PACRGL: variants seen among roughly 807,000 people sequenced by gnomAD.
PACRGL encodes PACRG-like protein.
PACRGL carries 38 observed loss-of-function variants against 34.5 expected under a neutral mutation model. The observed-to-expected ratio is 1.10, with a 90% CI of 0.85 to 1.44. The LOEUF is 1.44. Among genes scored for constraint, PACRGL ranks in the 40% most tolerant of loss-of-function variants. The pLI is 0.00. For synonymous variants in PACRGL, 128 were observed against 100.1 expected (o/e 1.28, Z -1.66); for missense variants, 305 against 281.4 (o/e 1.08, Z -0.60).
chr4:20,709,050 A>C (rs545618890), intron 4 of PACRGL, among the ~76,000 whole-genome samples: 1 of 151,968 alleles, frequency 6.6e-6, no homozygotes, highest in South Asian at 2.1e-4. Flanking sequence ...TAGGCAGGAG[A>C]ATTGCTTGAA....
chr4:20,752,482 A>G (rs1208505043), intron 8 of PACRGL: 3 of 152,228 alleles, frequency 2.0e-5, no homozygotes, highest in African/African-American at 7.2e-5. Flanking sequence ...AGCCACTTTT[A>G]TTTCAACTAC....
In PACRGL at chr4:20,709,800, A is replaced by G. The variant is rs193108636; in HGVS notation, c.366+27A>G. ...TAAATATGCCATCTCTTGAATATTT[A>G]TCAGAAAATAAACATTAAAAATTGC... On this transcript the variant is annotated intron_variant, in intron 5 of 8. Transcript: ENST00000503585. 2.7e-5 allele frequency: 41 copies of G among 1,519,920 alleles called. No individual in the cohort carries two copies. In the Admixed American group the frequency reaches 4.6e-4, roughly 17 times the overall value. 94.2% of individuals were successfully genotyped at this position (1,519,920 alleles called of 1,614,324 possible). A position where few individuals can be genotyped will look rare whatever the true frequency, so the allele number is the denominator to read the frequency against.
rs76209986 is a variant in PACRGL at position 20,752,575 on chromosome 4, G to A, written c.*67G>A. ...TTGCTGTTTTTGTAGGATTTCTGTT[G>A]TGTGTCTAGGTGACGAGTTCTAATT... On this transcript the variant is annotated 3_prime_UTR_variant, in exon 9 of 9. Coordinates refer to the PACRGL transcript ENST00000507634. The A allele has an allele frequency of 3.5e-4, 54 of 152,184 alleles. No homozygotes were observed. The East Asian group carries it at 9.7e-3, about 27-fold the overall frequency. The allele number at this position is 152,184 out of a possible 1,614,324, so 9.4% of individuals were successfully genotyped here. A position where few individuals can be genotyped will look rare whatever the true frequency, so the allele number is the denominator to read the frequency against.
chr4:20,734,814 G>A (rs1749196465), downstream of PACRGL: 1 of 718,168 alleles, frequency 1.4e-6, no homozygotes, highest in Non-Finnish European at 2.2e-6. Flanking sequence ...TGTAAGTAAG[G>A]GCTACAACCC....
intron 8 of PACRGL, among the ~76,000 whole-genome samples, chr4:20,743,371 A>G (rs1440360414): frequency 1.3e-5 from 2 of 152,180 alleles, no homozygotes; most frequent in African/African-American, 4.8e-5. Context: ...TTCAAACTAT[A>G]CTACAAGGCT....
chr4:20,761,008 C>T, the PACRGL span, among the ~76,000 whole-genome samples: 3 of 152,144 alleles, frequency 2.0e-5, no homozygotes, highest in Non-Finnish European at 4.4e-5. Context: ...CTATTACTTT[C>T]AATACATTTA....
At chr4:20,764,681 G>GACACAC in the PACRGL span, among the ~76,000 whole-genome samples, 28,492 of 147,040 alleles carry the variant, frequency 0.19, 2,826 homozygotes, top group African/African-American at 0.27. Flanking sequence ...ATGGGAATTG[G>GACACAC]ACACACACAC....
intron 7 of PACRGL, chr4:20,719,061 G>T (rs1450118808): frequency 6.6e-6 from 1 of 152,174 alleles, no homozygotes; most frequent in East Asian, 1.9e-4. Context: ...AGTCTTGGGA[G>T]GGTGTATGTG....
At chr4:20,724,701 A>T (rs1744876778) in intron 7 of PACRGL, 107 bp from the exon 8 acceptor site, 3 of 487,490 alleles carry the variant, frequency 6.2e-6, no homozygotes, top group Non-Finnish European at 1.0e-5. Flanking sequence ...TCCTAAAAAA[A>T]GCCTTGAAAT....
intron 8 of PACRGL, among the ~76,000 whole-genome samples, chr4:20,740,240 C>T (rs189208635): frequency 1.1e-4 from 17 of 152,198 alleles, no homozygotes; most frequent in Admixed American, 7.2e-4. Context: ...GAGAATGCCA[C>T]CAAGATACTC....
chr4:20,743,786 A>G (rs898028113), intron 8 of PACRGL, among the ~76,000 whole-genome samples: 1 of 152,176 alleles, frequency 6.6e-6, no homozygotes, highest in Admixed American at 6.5e-5. Context: ...TAATTAAACT[A>G]AGGAACTTCT....
chr4:20,716,015 T>C (rs1739784745), intron 7 of PACRGL: 12 of 1,261,082 alleles, frequency 9.5e-6, no homozygotes, highest in Middle Eastern at 2.4e-4. Flanking sequence ...TTGTTTTTCA[T>C]TGCGATGTTT....
In PACRGL at chr4:20,730,203, A is replaced by ATTGCCTCCTCCCATCAACC; in HGVS notation, c.*2863_*2881dup. On this transcript the variant is annotated 3_prime_UTR_variant, in exon 9 of 9. Coordinates refer to ENST00000503585, the MANE Select transcript of PACRGL (RefSeq NM_001258345.3). Reference sequence around the variant, plus strand: ...AAAGTACACTATTTTGCCCCTGAGTATTGCCTCCTCCCATCAACCACCTCA... The same window carrying ATTGCCTCCTCCCATCAACC: ...AAAGTACACTATTTTGCCCCTGAGTATTGCCTCCTCCCATCAACCTTGCCTCCTCCCATCAACCACCTCA... 1 of 1,499,864 alleles carries ATTGCCTCCTCCCATCAACC rather than the reference A, an allele frequency of 6.7e-7. No homozygotes were observed. Among genetic ancestry groups the ATTGCCTCCTCCCATCAACC allele is most frequent in the Non-Finnish European group, 8.9e-7 (1 of 1,120,856 alleles). 92.9% of individuals were successfully genotyped at this position (1,499,864 alleles called of 1,614,324 possible). A position where few individuals can be genotyped will look rare whatever the true frequency, so the allele number is the denominator to read the frequency against.
At chr4:20,737,483 C>T (rs900637200), downstream of PACRGL, among the ~76,000 whole-genome samples, 1 of 152,010 alleles carries the variant, frequency 6.6e-6, no homozygotes, top group Non-Finnish European at 1.5e-5. Context: ...TGGGGAGGAT[C>T]CAGAACATGG....
chr4:20,718,155 T>A (rs1430867791), intron 7 of PACRGL, among the ~76,000 whole-genome samples: 1 of 152,186 alleles, frequency 6.6e-6, no homozygotes, highest in Non-Finnish European at 1.5e-5. Flanking sequence ...TGTATAAGAA[T>A]GCTTGTGATT....
chr4:20,703,174 C>A (rs59523261), intron 1 of PACRGL, among the ~76,000 whole-genome samples: 7,825 of 152,150 alleles, frequency 0.051, 283 homozygotes, highest in East Asian at 0.11. Context: ...TTAATGCCAT[C>A]AAATATTTGA....
intron 8 of PACRGL, among the ~76,000 whole-genome samples, chr4:20,726,335 T>C (rs151058594): frequency 6.4e-4 from 98 of 152,282 alleles, no homozygotes; most frequent in African/African-American, 1.9e-3. Flanking sequence ...TAATACAGAA[T>C]TTTAAAAAAG....
upstream of PACRGL, among the ~76,000 whole-genome samples, chr4:20,699,024 C>T (rs929735617): frequency 4.6e-5 from 7 of 152,176 alleles, no homozygotes; most frequent in African/African-American, 1.4e-4. Flanking sequence ...CTCCAGAACA[C>T]ATATGCTTGT....
At chr4:20,722,472 C>CCTT (rs1175981611) in intron 7 of PACRGL, among the ~76,000 whole-genome samples, 4 of 152,194 alleles carry the variant, frequency 2.6e-5, no homozygotes, top group African/African-American at 9.7e-5. Context: ...GGAACCGCCC[C>CCTT]CTTCTTCATG....
Sources: gnomAD v4.1 joint callset for allele counts (sites outside exome capture counted in the v4.1 genomes callset) on GRCh38, gnomAD v4.1.1 for gene constraint, MANE v1.5 for transcripts, NCBI Gene and HGNC (gene_info 2026-07-23, HGNC 2026-07-21) for gene names.